The following ANTXR2 variants were observed in gnomAD, a reference collection of about 807,000 sequenced individuals.
ANTXR2 encodes the protein anthrax toxin receptor 2.
ANTXR2 carries 44 observed loss-of-function variants against 73.7 expected under a neutral mutation model. The ratio of observed to expected loss-of-function variants is 0.60; its 90% CI spans 0.47 to 0.77. The LOEUF (loss-of-function observed/expected upper bound fraction) is 0.77, where lower values mean the gene tolerates loss of function less well. Ranked by LOEUF, ANTXR2 falls within the 30% of genes least tolerant of loss-of-function variation. ANTXR2 has a pLI of 0.00. For synonymous variants in ANTXR2, 217 were observed against 205.9 expected (o/e 1.05, Z -0.46); for missense variants, 604 against 592.5 (o/e 1.02, Z -0.20).
At chr4:80,015,568 A>C (rs1474328388) in intron 11 of ANTXR2, among the ~76,000 whole-genome samples, 2 of 152,096 alleles carry the variant, frequency 1.3e-5, no homozygotes, top group Non-Finnish European at 2.9e-5. Context: ...GTGTGTCCAA[A>C]GCTCTTTAAA....
chr4:80,050,718 G>T (rs1017926944), intron 7 of ANTXR2, among the ~76,000 whole-genome samples: 2 of 151,468 alleles, frequency 1.3e-5, no homozygotes, highest in African/African-American at 4.8e-5. Context: ...ACTGCATTTT[G>T]TCTCCACTAT....
chr4:80,053,422 A>G (rs1395074871), intron 7 of ANTXR2, among the ~76,000 whole-genome samples: 1 of 151,758 alleles, frequency 6.6e-6, no homozygotes, highest in Non-Finnish European at 1.5e-5. Context: ...AAACAAATAC[A>G]ATAAATCTCA....
chr4:79,987,593 A>G (rs1446183296), intron 12 of ANTXR2, among the ~76,000 whole-genome samples: 20 of 152,164 alleles, frequency 1.3e-4, no homozygotes, highest in Non-Finnish European at 1.5e-5. Flanking sequence ...ACCTCACTAC[A>G]CAGGTAGGCA....
chr4:79,988,608 A>G (rs1730312692), intron 12 of ANTXR2, among the ~76,000 whole-genome samples: 1 of 152,028 alleles, frequency 6.6e-6, no homozygotes, highest in African/African-American at 2.4e-5. Flanking sequence ...GAAAACTAAC[A>G]AAGATATTTG....
chr4:80,031,552 T>C (rs1483947691), intron 10 of ANTXR2, 71 bp downstream of exon 10: 8 of 1,161,500 alleles, frequency 6.9e-6, no homozygotes, highest in East Asian at 3.0e-5. Flanking sequence ...AAATGACCAA[T>C]GTATATGTCA....
chr4:80,008,207 G>T (rs1279318821), intron 12 of ANTXR2, among the ~76,000 whole-genome samples: 4 of 152,010 alleles, frequency 2.6e-5, no homozygotes, highest in Non-Finnish European at 4.4e-5. Flanking sequence ...GAACCCAAAA[G>T]AAAACATCAT....
At chr4:80,022,549 A>G (rs1732219898) in intron 10 of ANTXR2, among the ~76,000 whole-genome samples, 1 of 152,208 alleles carries the variant, frequency 6.6e-6, no homozygotes, top group Admixed American at 6.5e-5. Flanking sequence ...CTCAAGAGTC[A>G]ACTATACATA....
chr4:80,046,620 T>C (rs1733524143), intron 7 of ANTXR2, among the ~76,000 whole-genome samples: 1 of 151,820 alleles, frequency 6.6e-6, no homozygotes, highest in African/African-American at 2.4e-5. Context: ...CCAAGCAGTC[T>C]TAGTCTATAT....
At chr4:80,027,874 C>T (rs1186398696) in intron 10 of ANTXR2, among the ~76,000 whole-genome samples, 4 of 152,102 alleles carry the variant, frequency 2.6e-5, no homozygotes, top group Non-Finnish European at 2.9e-5. Flanking sequence ...AATACTTGCA[C>T]ATTAAACTGT....
chr4:79,997,011 A>T lies in ANTXR2; in HGVS notation c.1041+11510T>A, dbSNP rs1730760446. Among the ~76,000 whole-genome samples, 3 of 151,502 alleles carry T rather than the reference A, an allele frequency of 2.0e-5. No individual in the cohort carries two copies. In the South Asian group the frequency reaches 6.2e-4, roughly 31 times the overall value. ...TCATCATCAGGAAGGATTACATCTC[A>T]TCTACTTAGCTGCTAGAATGAAGAT... On this transcript the variant is annotated intron_variant, in intron 12 of 16. Coordinates refer to ENST00000403729, the MANE Select transcript of ANTXR2 (RefSeq NM_058172.6).
intron 16 of ANTXR2, among the ~76,000 whole-genome samples, chr4:79,973,707 G>A (rs1437065806): frequency 6.6e-6 from 1 of 152,162 alleles, no homozygotes; most frequent in Non-Finnish European, 1.5e-5. Flanking sequence ...GGGATTACAG[G>A]TGTGAGCCAC....
chr4:79,919,863 T>TAATATATA lies in ANTXR2; in HGVS notation c.1429-12397_1429-12396insTATATATT, dbSNP rs1491209102. ...TCCCTCTAGAGAATCCTAATACATA[T>TAATATATA]TTTATATATATATATATATATATAT... On this transcript the variant is annotated intron_variant, in intron 16 of 16. Coordinates refer to ENST00000403729, the MANE Select transcript of ANTXR2 (RefSeq NM_058172.6). Among the ~76,000 whole-genome samples, 12 of 4,622 alleles carry TAATATATA rather than the reference T, an allele frequency of 2.6e-3. 2 individuals carry two copies. The highest frequency in any genetic ancestry group is 6.8e-3 in the Admixed American group (2 of 296). 3.0% of individuals were successfully genotyped at this position (4,622 alleles called of 152,430 possible).
At chr4:79,943,792 A>T (rs1397123232) in intron 16 of ANTXR2, among the ~76,000 whole-genome samples, 1 of 151,962 alleles carries the variant, frequency 6.6e-6, no homozygotes, top group Admixed American at 6.6e-5. Context: ...AATTGTTTTT[A>T]AGCAAAAACA....
chr4:80,061,110 A>G (rs1423310777), intron 3 of ANTXR2, among the ~76,000 whole-genome samples: 1 of 152,152 alleles, frequency 6.6e-6, no homozygotes, highest in Non-Finnish European at 1.5e-5. Flanking sequence ...AAGTTTTCAT[A>G]TGACAGATGG....
intron 12 of ANTXR2, among the ~76,000 whole-genome samples, chr4:79,995,258 C>A (rs142370462): frequency 2.0e-5 from 3 of 151,970 alleles, no homozygotes; most frequent in Admixed American, 6.6e-5. Flanking sequence ...TAATAAAGTG[C>A]TCTGCACACA....
chr4:80,015,245 C>T (rs1281534093), intron 11 of ANTXR2, among the ~76,000 whole-genome samples: 1 of 152,200 alleles, frequency 6.6e-6, no homozygotes, highest in Non-Finnish European at 1.5e-5. Flanking sequence ...TCCAGATTTA[C>T]CTCTCGCTTT....
chr4:80,045,716 T>A (rs1301545726), intron 7 of ANTXR2, among the ~76,000 whole-genome samples: 1 of 151,702 alleles, frequency 6.6e-6, no homozygotes, highest in Non-Finnish European at 1.5e-5. Context: ...AAATGAAGCT[T>A]TAGTAATTAG....
chr4:79,958,917 T>C lies in ANTXR2; in HGVS notation c.1428+18704A>G, dbSNP rs527411896. On this transcript the variant is annotated intron_variant, in intron 16 of 16. Transcript: ENST00000403729. ...TATAGGCCAGCACCATAGATGATTA[T>C]GCAAAAGATTAATTAACATTAAAAT... Among the ~76,000 whole-genome samples the C allele has an allele frequency of 1.2e-3, 179 of 152,206 alleles. 2 individuals are homozygous for C. The highest frequency in any genetic ancestry group is 4.1e-3 in the African/African-American group (170 of 41,548).
At chr4:80,033,605 T>G (rs759549698) in intron 8 of ANTXR2, 35 bp from the exon 9 acceptor site, 3 of 1,461,874 alleles carry the variant, frequency 2.1e-6, no homozygotes, top group Non-Finnish European at 2.8e-6. Context: ...ATTTAATCAC[T>G]GCTTTACCAA....
Sources: gnomAD v4.1 joint callset for allele counts (sites outside exome capture counted in the v4.1 genomes callset) on GRCh38, gnomAD v4.1.1 for gene constraint, MANE v1.5 for transcripts, NCBI Gene and HGNC (gene_info 2026-07-23, HGNC 2026-07-21) for gene names.